Variants in CTNNA3 observed in about 807,000 individuals in gnomAD.
CTNNA3 encodes catenin alpha 3.
Under a neutral mutation model 95.7 loss-of-function variants are expected in CTNNA3, and 76 were observed. The observed-to-expected ratio is 0.79, with a 90% CI of 0.66 to 0.96. CTNNA3 has a LOEUF of 0.96. CTNNA3 is among the 40% of genes least tolerant of loss of function. The pLI is 0.00. For missense variants in CTNNA3, 1,191 were observed against 1,089.8 expected (o/e 1.09, Z -1.31); for synonymous variants, 431 against 374.4 (o/e 1.15, Z -1.74).
intron 14 of CTNNA3, chr10:66,098,071 T>C (rs1333659588): frequency 6.6e-6 from 1 of 152,032 alleles, no homozygotes; most frequent in Non-Finnish European, 1.5e-5. Flanking sequence ...AGTTTCTAAA[T>C]GGTAATCAAC....
intron 13 of CTNNA3, among the ~76,000 whole-genome samples, chr10:66,167,175 TG>T (rs1237368854): frequency 6.6e-6 from 1 of 152,152 alleles, no homozygotes; most frequent in African/African-American, 2.4e-5. Flanking sequence ...CTGTGCTGTA[TG>T]TAAAAAAGAG....
In CTNNA3 at chr10:66,536,136, T is replaced by A. The variant is rs1012718679; in HGVS notation, c.1375-15363A>T. Among the ~76,000 whole-genome samples the A allele has an allele frequency of 2.2e-4, 31 of 143,844 alleles. No homozygotes were observed. The South Asian group carries it at 3.4e-3, about 16-fold the overall frequency. The allele number at this position is 143,844 out of a possible 152,430, so 94.4% of individuals were successfully genotyped here. A position where few individuals can be genotyped will look rare whatever the true frequency, so the allele number is the denominator to read the frequency against. The stretch of plus-strand genomic sequence containing the variant: ...TTCAGTACCAGGAGGTGAAACGACA[T>A]GAGAGAGAGAGAGAGAGAGAGAGAG... On this transcript the variant is annotated intron_variant, in intron 10 of 17. Transcript: ENST00000433211.
intron 11 of CTNNA3, among the ~76,000 whole-genome samples, chr10:66,502,717 T>C (rs1171989724): frequency 1.3e-5 from 2 of 151,996 alleles, no homozygotes; most frequent in Non-Finnish European, 2.9e-5. Flanking sequence ...CATTTCCCCA[T>C]TGATGGAAAA....
At chr10:66,570,020 C>A (rs1476699106) in intron 10 of CTNNA3, among the ~76,000 whole-genome samples, 1 of 152,186 alleles carries the variant, frequency 6.6e-6, no homozygotes, top group Non-Finnish European at 1.5e-5. Context: ...CTTTGGTCTA[C>A]CACATATCTG....
intron 7 of CTNNA3, among the ~76,000 whole-genome samples, chr10:66,965,236 T>C (rs1849335468): frequency 6.6e-6 from 1 of 152,038 alleles, no homozygotes; most frequent in Non-Finnish European, 1.5e-5. Flanking sequence ...TTTGGGGTTT[T>C]TTTGTTTGTT....
intron 6 of CTNNA3, among the ~76,000 whole-genome samples, chr10:67,207,444 T>G (rs1993992): frequency 0.11 from 16,580 of 152,172 alleles, 1,135 homozygotes; most frequent in Non-Finnish European, 0.16. Flanking sequence ...AAAGAACTAT[T>G]TATTTTTCTC....
intron 5 of CTNNA3, among the ~76,000 whole-genome samples, chr10:67,396,898 T>C (rs1844726471): frequency 6.6e-6 from 1 of 152,190 alleles, no homozygotes; most frequent in Non-Finnish European, 1.5e-5. Context: ...GGACTTCTCC[T>C]TCCTGGCACC....
At chr10:66,572,088 A>T (rs1160800206) in intron 10 of CTNNA3, among the ~76,000 whole-genome samples, 1 of 152,044 alleles carries the variant, frequency 6.6e-6, no homozygotes, top group Non-Finnish European at 1.5e-5. Flanking sequence ...GTATGAAAAA[A>T]ATCCAGATAT....
chr10:66,542,717 A>G (rs1841899100), intron 10 of CTNNA3, among the ~76,000 whole-genome samples: 2 of 131,704 alleles, frequency 1.5e-5, no homozygotes, highest in African/African-American at 5.6e-5. Context: ...GAAGGGGAAC[A>G]TCACACATCA....
At position 66,704,578 on chromosome 10, in the gene CTNNA3, G is replaced by A. The variant is rs114028680; in HGVS notation, c.1281+61686C>T. Among the ~76,000 whole-genome samples, 419 of 152,170 alleles carry A rather than the reference G, an allele frequency of 2.8e-3. 2 individuals carry two copies. The highest frequency in any genetic ancestry group is 9.2e-3 in the African/African-American group (382 of 41,530). ...GTGTGCCTGCATAGTGGGGGTGGAG[G>A]AATCTGGGTACTTAAGAAAGATATA... On this transcript the variant is annotated intron_variant, in intron 9 of 17. Coordinates refer to ENST00000433211, the MANE Select transcript of CTNNA3 (RefSeq NM_013266.4).
At chr10:67,038,626 T>C (rs763132906) in intron 7 of CTNNA3, among the ~76,000 whole-genome samples, 12 of 152,116 alleles carry the variant, frequency 7.9e-5, no homozygotes, top group Non-Finnish European at 1.3e-4. Flanking sequence ...ATTTTTGTTA[T>C]CTGGTCTTTC....
At chr10:66,473,356 TG>T (rs1839203287) in intron 11 of CTNNA3, among the ~76,000 whole-genome samples, 1 of 152,006 alleles carries the variant, frequency 6.6e-6, no homozygotes, top group Non-Finnish European at 1.5e-5. Flanking sequence ...CTTCCTGCCT[TG>T]CTCCTCATGC....
At chr10:67,550,626 T>C (rs1398297901) in intron 3 of CTNNA3, among the ~76,000 whole-genome samples, 1 of 149,496 alleles carries the variant, frequency 6.7e-6, no homozygotes, top group East Asian at 1.9e-4. Context: ...AATTCTTTAT[T>C]TAAAGAATAA....
chr10:66,245,026 T>C (rs1348347946), intron 13 of CTNNA3, among the ~76,000 whole-genome samples: 3 of 152,144 alleles, frequency 2.0e-5, no homozygotes, highest in African/African-American at 7.2e-5. Flanking sequence ...CGCACTGGGC[T>C]CATTCTTCCC....
At chr10:67,747,233 G>A (rs868703470) in intron 1 of CTNNA3, among the ~76,000 whole-genome samples, 3 of 149,494 alleles carry the variant, frequency 2.0e-5, no homozygotes, top group Admixed American at 1.3e-4. Context: ...CAGACCAGAC[G>A]AGTGGGTTTC....
intron 15 of CTNNA3, among the ~76,000 whole-genome samples, chr10:66,035,957 T>G (rs975598655): frequency 1.3e-5 from 2 of 152,132 alleles, no homozygotes; most frequent in African/African-American, 2.4e-5. Context: ...TTCTTTATCT[T>G]TTACTTTATA....
chr10:67,492,230 G>A (rs895674790), intron 5 of CTNNA3, among the ~76,000 whole-genome samples: 1 of 151,914 alleles, frequency 6.6e-6, no homozygotes, highest in Non-Finnish European at 1.5e-5. Context: ...CAGACATGTA[G>A]GAGAAAAATT....
chr10:67,639,554 CAA>C (rs922128125), intron 2 of CTNNA3, among the ~76,000 whole-genome samples: 9 of 151,888 alleles, frequency 5.9e-5, no homozygotes, highest in Admixed American at 4.6e-4. Context: ...ACATAACAAA[CAA>C]AGAGAATTTT....
chr10:67,123,326 G>A (rs748571233), intron 7 of CTNNA3, among the ~76,000 whole-genome samples: 3 of 152,038 alleles, frequency 2.0e-5, no homozygotes, highest in East Asian at 1.9e-4. Flanking sequence ...GCTAGTCCTG[G>A]AAAAAAATTA....
Sources: allele counts gnomAD v4.1 joint callset (sites outside exome capture counted in the v4.1 genomes callset), GRCh38; gene constraint gnomAD v4.1.1; transcripts MANE v1.5; gene names NCBI Gene and HGNC (gene_info 2026-07-23, HGNC 2026-07-21).